Variants in SLC15A5 observed in about 807,000 individuals in gnomAD.
SLC15A5 encodes the protein solute carrier family 15 member 5.
SLC15A5 carries 58 observed loss-of-function variants against 56.1 expected under a neutral mutation model. The ratio of observed to expected loss-of-function variants is 1.03; its 90% CI spans 0.84 to 1.29. SLC15A5 has a LOEUF of 1.29. SLC15A5 is among the 50% of genes most tolerant of loss of function. The pLI is 0.00. For missense variants in SLC15A5, 681 were observed against 672.1 expected (o/e 1.01, Z -0.15); for synonymous variants, 264 against 250.5 (o/e 1.05, Z -0.51).
In SLC15A5 at chr12:16,189,137, C is replaced by G. The variant is rs1336331338; in HGVS notation, c.*531G>C. The G allele has an allele frequency of 1.3e-5, 2 of 152,046 alleles. No homozygotes were observed. Among genetic ancestry groups the G allele is most frequent in the African/African-American group, 4.8e-5 (2 of 41,404 alleles). 9.4% of individuals were successfully genotyped at this position (152,046 alleles called of 1,614,324 possible). A position where few individuals can be genotyped will look rare whatever the true frequency, so the allele number is the denominator to read the frequency against. On this transcript the variant is annotated 3_prime_UTR_variant, in exon 9 of 9. Coordinates refer to ENST00000344941, the MANE Select transcript of SLC15A5 (RefSeq NM_001170798.1). ...CTGCTTTTAAATTCAGAGAAAATGT[C>G]CTTAATGAAGTCATATTTTGATAGC...
rs545832417 is a variant in SLC15A5, at chr12:16,259,637, G to A, written c.585-1767C>T. ...AGTTTGGTGGTCATGAACTTAATGCGATCATAGTATAATTTTGCATTTTTC... is the reference window on the plus strand; with the variant it reads ...AGTTTGGTGGTCATGAACTTAATGCAATCATAGTATAATTTTGCATTTTTC... On this transcript the variant is annotated intron_variant, in intron 2 of 8. Transcript: ENST00000344941. 2.0e-5 allele frequency among the ~76,000 whole-genome samples: 3 copies of A among 152,272 alleles called. No homozygotes were observed. The East Asian group carries it at 5.8e-4, about 29-fold the overall frequency.
intron 3 of SLC15A5, among the ~76,000 whole-genome samples, chr12:16,255,540 C>T (rs7971291): frequency 0.45 from 68,227 of 151,652 alleles, 15,542 homozygotes; most frequent in South Asian, 0.61. Context: ...AATTTGGCAA[C>T]ATATAGAAAA....
chr12:16,207,477 T>C (rs1308181286), intron 7 of SLC15A5, among the ~76,000 whole-genome samples: 2 of 152,116 alleles, frequency 1.3e-5, no homozygotes, highest in African/African-American at 4.8e-5. Flanking sequence ...GTTTGTGCCT[T>C]TCATCCTGTG....
chr12:16,276,733 T>C (rs1864824703), intron 1 of SLC15A5, among the ~76,000 whole-genome samples: 1 of 152,018 alleles, frequency 6.6e-6, no homozygotes, highest in South Asian at 2.1e-4. Context: ...TTTCTCACAA[T>C]CGGTCCCAAA....
intron 2 of SLC15A5, among the ~76,000 whole-genome samples, chr12:16,259,004 C>CTTTT (rs1864610176): frequency 2.9e-5 from 2 of 69,382 alleles, no homozygotes; most frequent in Non-Finnish European, 6.1e-5. Flanking sequence ...TTTTTTTTTT[C>CTTTT]TTTTTCTTTT....
chr12:16,199,926 T>C (rs1300758317), intron 7 of SLC15A5, among the ~76,000 whole-genome samples: 1 of 151,938 alleles, frequency 6.6e-6, no homozygotes, highest in East Asian at 1.9e-4. Context: ...GTCAGAGTGT[T>C]AGAAAACCTA....
chr12:16,192,654 A>C (rs1355891380), intron 8 of SLC15A5, among the ~76,000 whole-genome samples: 1 of 152,066 alleles, frequency 6.6e-6, no homozygotes, highest in Non-Finnish European at 1.5e-5. Flanking sequence ...GTATATATTA[A>C]TGAGTAAATC....
At chr12:16,262,135 A>T (rs1864648417) in intron 2 of SLC15A5, among the ~76,000 whole-genome samples, 2 of 152,220 alleles carry the variant, frequency 1.3e-5, no homozygotes, top group African/African-American at 4.8e-5. Flanking sequence ...ACTCATCCAA[A>T]TTCACACAGC....
chr12:16,258,943 G>A (rs1369925292), intron 2 of SLC15A5, among the ~76,000 whole-genome samples: 1 of 149,978 alleles, frequency 6.7e-6, no homozygotes, highest in South Asian at 2.1e-4. Context: ...AAACAAGTGT[G>A]GTCCACTGGG....
intron 5 of SLC15A5, among the ~76,000 whole-genome samples, chr12:16,231,942 A>G (rs1011594401): frequency 7.2e-5 from 11 of 152,240 alleles, no homozygotes; most frequent in African/African-American, 4.8e-5. Flanking sequence ...GGAGATTCTC[A>G]TAATAATATG....
At chr12:16,256,791 G>A (rs1446215683) in intron 3 of SLC15A5, among the ~76,000 whole-genome samples, 3 of 151,834 alleles carry the variant, frequency 2.0e-5, no homozygotes, top group Admixed American at 6.6e-5. Flanking sequence ...CCTGGGAGTC[G>A]GAGCTTGCAG....
intron 1 of SLC15A5, among the ~76,000 whole-genome samples, chr12:16,273,018 C>G (rs1036860838): frequency 2.0e-5 from 3 of 151,502 alleles, no homozygotes; most frequent in African/African-American, 7.3e-5. Flanking sequence ...TCTCCTCAAG[C>G]TTGAACTATG....
chr12:16,237,796 A>G lies in SLC15A5; in HGVS notation c.1162+1885T>C, dbSNP rs1354275906. Reference sequence around the variant, plus strand: ...GGGGTGTTTCATGACACTGTACAAAACTGCTGAGATTTTTGGCATTTCACA... The same window carrying G: ...GGGGTGTTTCATGACACTGTACAAAGCTGCTGAGATTTTTGGCATTTCACA... On this transcript the variant is annotated intron_variant, in intron 5 of 8. Coordinates refer to ENST00000344941, the MANE Select transcript of SLC15A5 (RefSeq NM_001170798.1). This position sits in a 1 kb window ranked among gnomAD's most constrained non-coding sequence, Gnocchi z 4.1. Among the ~76,000 whole-genome samples, 1 of 152,128 alleles carries G rather than the reference A, an allele frequency of 6.6e-6. No individual in the cohort carries two copies. Among genetic ancestry groups the G allele is most frequent in the East Asian group, 1.9e-4 (1 of 5,196 alleles).
chr12:16,242,674 A>G (rs939663329), intron 4 of SLC15A5, among the ~76,000 whole-genome samples: 1 of 152,214 alleles, frequency 6.6e-6, no homozygotes, highest in African/African-American at 2.4e-5. Context: ...AAATTAGTTT[A>G]TCAAAATTTA....
chr12:16,227,309 T>C (rs143421464), intron 5 of SLC15A5, among the ~76,000 whole-genome samples: 363 of 152,330 alleles, frequency 2.4e-3, no homozygotes, highest in African/African-American at 8.4e-3. Context: ...ATCAAGATTA[T>C]TGGACACATT....
chr12:16,205,565 A>AT (rs1565657565), intron 7 of SLC15A5, among the ~76,000 whole-genome samples: 274 of 6,712 alleles, frequency 0.041, 7 homozygotes, highest in African/African-American at 0.077. Flanking sequence ...TATATTCCAT[A>AT]AGAAGGGAAA....
chr12:16,270,450 A>G (rs1864740412), intron 2 of SLC15A5, among the ~76,000 whole-genome samples: 1 of 152,174 alleles, frequency 6.6e-6, no homozygotes, highest in African/African-American at 2.4e-5. Context: ...TAGATTACAC[A>G]TTAATAAACT....
At chr12:16,268,897 A>T (rs1591662087) in intron 2 of SLC15A5, among the ~76,000 whole-genome samples, 2 of 152,070 alleles carry the variant, frequency 1.3e-5, no homozygotes, top group East Asian at 3.9e-4. Context: ...TATACCTCCT[A>T]TAACAATGGT....
rs1671515 is a variant in SLC15A5, at chr12:16,243,554, T to A, written c.975+1026A>T. On this transcript the variant is annotated intron_variant, in intron 4 of 8. Coordinates refer to ENST00000344941, the MANE Select transcript of SLC15A5 (RefSeq NM_001170798.1). The surrounding 1 kb of genome is among the most constrained non-coding windows in gnomAD (Gnocchi z 4.4). Reference sequence around the variant, plus strand: ...GTGCTAGAAAATACTATTCTTTTTTTAATTTTTTTCAAACATATAAAAATG... The same window carrying A: ...GTGCTAGAAAATACTATTCTTTTTTAAATTTTTTTCAAACATATAAAAATG... Among the ~76,000 whole-genome samples, 39,630 of 152,138 alleles carry A rather than the reference T, an allele frequency of 0.26. 5,685 individuals are homozygous for A. Among genetic ancestry groups the A allele is most frequent in the East Asian group, 0.48 (2,497 of 5,172 alleles).
Sources: gnomAD v4.1 joint callset for allele counts (sites outside exome capture counted in the v4.1 genomes callset) on GRCh38, gnomAD v4.1.1 for gene constraint, Gnocchi (gnomAD v3.1) non-coding constraint, MANE v1.5 for transcripts, NCBI Gene and HGNC (gene_info 2026-07-23, HGNC 2026-07-21) for gene names.